CORIN: variants seen among roughly 807,000 people sequenced by gnomAD.
The protein encoded by CORIN is atrial natriuretic peptide-converting enzyme.
A neutral mutation model predicts 125.3 loss-of-function variants in CORIN; 117 were observed. The ratio of observed to expected loss-of-function variants is 0.93; its 90% confidence interval spans 0.80 to 1.09. CORIN has a LOEUF of 1.09. CORIN is among the 50% of genes least tolerant of loss of function. The probability of loss-of-function intolerance (pLI) is 0.00; values close to 1 mark genes in which losing one functional copy is unlikely to be tolerated. For synonymous variants in CORIN, 450 were observed against 466.4 expected, an observed-to-expected ratio of 0.96 and a Z score of 0.45; for missense variants, 1,253 against 1,306.7, an observed-to-expected ratio of 0.96 and a Z score of 0.63.
intron 2 of CORIN, among the ~76,000 whole-genome samples, chr4:47,790,998 T>C (rs1012082823): frequency 1.3e-5 from 2 of 152,130 alleles, no homozygotes; most frequent in African/African-American, 2.4e-5. Flanking sequence ...AATGAAGAGA[T>C]TGGGCACTGT....
chr4:47,785,569 T>C (rs1010747012), intron 3 of CORIN, among the ~76,000 whole-genome samples: 6 of 151,898 alleles, frequency 4.0e-5, no homozygotes, highest in Non-Finnish European at 7.4e-5. Flanking sequence ...CAGCCAATAA[T>C]AGCAGGTGAA....
At chr4:47,713,603 G>A (rs1397672985) in intron 5 of CORIN, among the ~76,000 whole-genome samples, 1 of 152,074 alleles carries the variant, frequency 6.6e-6, no homozygotes, top group African/African-American at 2.4e-5. Flanking sequence ...ATTTGTCCCC[G>A]TGCTAACCTG....
At position 47,623,644 on chromosome 4, in the gene CORIN, G is replaced by T. The variant is rs1290217226; in HGVS notation, c.2467C>A (p.Pro823Thr). The T allele has an allele frequency of 1.9e-6, 3 of 1,614,072 alleles. No homozygotes were observed. Among genetic ancestry groups the T allele is most frequent in the Non-Finnish European group, 2.5e-6 (3 of 1,180,028 alleles). Reference protein sequence around the residue: ...WPWQCSLQSEPSGHICGCVLI... With the variant: ...WPWQCSLQSETSGHICGCVLI... The stretch of plus-strand genomic sequence containing the variant: ...ACACAGCCACAGATATGTCCACTGG[G>T]TTCACTCTGCAGAGAACACTGCCAT... Residue 823 changes from proline (P) to threonine (T), a missense_variant, in exon 19 of 22, where the codon CCC (proline) becomes ACC (threonine). By Grantham distance (38) the Pro-to-Thr change is conservative (BLOSUM62 -1). Coordinates refer to ENST00000273857, the MANE Select transcript of CORIN (RefSeq NM_006587.4).
At chr4:47,759,161 T>C (rs371597179) in intron 4 of CORIN, among the ~76,000 whole-genome samples, 8 of 152,312 alleles carry the variant, frequency 5.3e-5, no homozygotes, top group Non-Finnish European at 5.9e-5. Flanking sequence ...TTAGGGAAAC[T>C]GCCTATCAAC....
intron 5 of CORIN, among the ~76,000 whole-genome samples, chr4:47,737,996 TAA>T (rs35645880): frequency 6.7e-6 from 1 of 148,238 alleles, no homozygotes; most frequent in Non-Finnish European, 1.5e-5. Context: ...GGGGTGTTTC[TAA>T]AAAAAAAAAT....
intron 10 of CORIN, among the ~76,000 whole-genome samples, chr4:47,667,816 C>T (rs967344526): frequency 1.3e-5 from 2 of 152,114 alleles, no homozygotes; most frequent in Non-Finnish European, 2.9e-5. Flanking sequence ...TTTATCCTTT[C>T]CTGTGATTTG....
intron 5 of CORIN, among the ~76,000 whole-genome samples, chr4:47,723,561 G>A (rs1184249132): frequency 2.0e-5 from 3 of 152,074 alleles, no homozygotes; most frequent in Non-Finnish European, 2.9e-5. Context: ...ACTTGTGACC[G>A]GAACTTAACT....
At chr4:47,720,885 C>G (rs1727312432) in intron 5 of CORIN, among the ~76,000 whole-genome samples, 1 of 152,182 alleles carries the variant, frequency 6.6e-6, no homozygotes, top group South Asian at 2.1e-4. Context: ...GGCCCAGATT[C>G]AAAGGGGTTC....
At chr4:47,668,385 T>C (rs1054104698) in intron 10 of CORIN, among the ~76,000 whole-genome samples, 6 of 152,200 alleles carry the variant, frequency 3.9e-5, no homozygotes, top group Non-Finnish European at 7.3e-5. Flanking sequence ...TATCCATACA[T>C]GCCTTTGCAC....
intron 17 of CORIN, 71 bp downstream of exon 17, chr4:47,626,334 G>T: frequency 1.1e-6 from 1 of 921,802 alleles, no homozygotes; most frequent in South Asian, 1.4e-5. Flanking sequence ...TTAAAAAATG[G>T]AAGAAAGGCC....
chr4:47,610,979 C>T (rs765652737), intron 19 of CORIN, among the ~76,000 whole-genome samples: 3 of 132,220 alleles, frequency 2.3e-5, no homozygotes, highest in Non-Finnish European at 5.0e-5. Flanking sequence ...TAGTACCATG[C>T]AGTTTTTGGT....
intron 15 of CORIN, 84 bp from the exon 16 acceptor site, chr4:47,642,133 T>A: frequency 7.3e-7 from 1 of 1,364,400 alleles, no homozygotes; most frequent in South Asian, 1.2e-5. Context: ...CTCTGCTTCA[T>A]TGGCATACAT....
At chr4:47,632,483 T>G (rs1479132752) in intron 16 of CORIN, 1 of 152,190 alleles carries the variant, frequency 6.6e-6, no homozygotes, top group Non-Finnish European at 1.5e-5. Flanking sequence ...TACTAATAAC[T>G]GAAAGTTATT....
chr4:47,759,559 A>C (rs1297359995), intron 4 of CORIN, among the ~76,000 whole-genome samples: 3 of 152,216 alleles, frequency 2.0e-5, no homozygotes. Context: ...AAAAAACCTG[A>C]ATAGACATTT....
intron 3 of CORIN, among the ~76,000 whole-genome samples, chr4:47,783,500 G>C (rs1730642340): frequency 6.6e-6 from 1 of 152,066 alleles, no homozygotes; most frequent in African/African-American, 2.4e-5. Flanking sequence ...AAATGTCTTA[G>C]GGAAAGACTA....
At position 47,665,256 on chromosome 4, in the gene CORIN, A is replaced by T; in HGVS notation, c.1365T>A (p.Cys455Ter). 6.2e-7 allele frequency: 1 copy of T among 1,605,694 alleles called. No individual in the cohort carries two copies. The highest frequency in any genetic ancestry group is 8.5e-7 in the Non-Finnish European group (1 of 1,173,372). Residue 455 changes from cysteine to a stop codon, truncating the protein, a stop_gained, in exon 11 of 22, where the codon TGT becomes TGA. Transcript: ENST00000273857. LOFTEE classifies it high-confidence loss of function. ...TGCAGAGTTCCAATGTAATTGGTTC[A>T]CATTGACCTAACAAAGAAACATACA... ...PNNSLNNCSQ[C>*]EPITLELCMN...
At chr4:47,784,637 G>A (rs1730705231) in intron 3 of CORIN, among the ~76,000 whole-genome samples, 1 of 152,202 alleles carries the variant, frequency 6.6e-6, no homozygotes, top group Non-Finnish European at 1.5e-5. Context: ...AACAATTACT[G>A]TAATTGCAAC....
At chr4:47,797,126 T>C (rs932365275) in intron 2 of CORIN, among the ~76,000 whole-genome samples, 1 of 151,720 alleles carries the variant, frequency 6.6e-6, no homozygotes, top group African/African-American at 2.4e-5. Flanking sequence ...TATTACATTA[T>C]AGCTAATTTT....
At chr4:47,730,615 A>T (rs1216519586) in intron 5 of CORIN, among the ~76,000 whole-genome samples, 1 of 151,914 alleles carries the variant, frequency 6.6e-6, no homozygotes, top group Admixed American at 6.6e-5. Context: ...TGCTCCCCCT[A>T]GGGGTTTGAG....
Sources: gnomAD v4.1 joint callset for allele counts (sites outside exome capture counted in the v4.1 genomes callset) on GRCh38, gnomAD v4.1.1 for gene constraint, MANE v1.5 for transcripts, NCBI Gene and HGNC (gene_info 2026-07-23, HGNC 2026-07-21) for gene names.